Variants in PRKCA observed in about 807,000 individuals in gnomAD.
The protein encoded by PRKCA is protein kinase C alpha, also known as protein kinase C alpha type.
In PRKCA, 27 loss-of-function variants were observed where a neutral mutation model predicts 87.0. The ratio of observed to expected loss-of-function variants is 0.31; its 90% CI spans 0.23 to 0.43. The LOEUF (loss-of-function observed/expected upper bound fraction) is 0.43, where lower values mean the gene tolerates loss of function less well. Among genes scored for constraint, PRKCA ranks in the 20% least tolerant of loss-of-function variants. PRKCA has a pLI of 1.00. For synonymous variants in PRKCA, 329 were observed against 311.1 expected (o/e 1.06, Z -0.61); for missense variants, 518 against 852.3 (o/e 0.61, Z 4.88).
At chr17:66,610,462 G>A (rs1036786311) in intron 3 of PRKCA, among the ~76,000 whole-genome samples, 12 of 152,122 alleles carry the variant, frequency 7.9e-5, no homozygotes, top group Non-Finnish European at 2.9e-5. Context: ...CAAGCTTCTA[G>A]TCATGGCTTG....
At chr17:66,442,314 C>T (rs1314756948) in intron 2 of PRKCA, among the ~76,000 whole-genome samples, 1 of 151,840 alleles carries the variant, frequency 6.6e-6, no homozygotes, top group East Asian at 1.9e-4. Context: ...ACCCAGGCCT[C>T]CCAAAGTGCT....
chr17:66,805,130 T>C lies in PRKCA; in HGVS notation c.*1093T>C. On this transcript the variant is annotated 3_prime_UTR_variant, in exon 17 of 17. Coordinates refer to ENST00000413366, the MANE Select transcript of PRKCA (RefSeq NM_002737.3). Reference sequence around the variant, plus strand: ...CTAGCCCTGGATGTCCACTTAGGGATAAAAAGAATATGGTTTTGGTTCCCA... The same window carrying C: ...CTAGCCCTGGATGTCCACTTAGGGACAAAAAGAATATGGTTTTGGTTCCCA... 1.0e-6 allele frequency: 1 copy of C among 984,018 alleles called. No individual in the cohort carries two copies. The highest frequency in any genetic ancestry group is 1.7e-5 in the African/African-American group (1 of 57,314). The allele number at this position is 984,018 out of a possible 1,614,324, so 61.0% of individuals were successfully genotyped here.
chr17:66,663,249 G>A (rs9894317), intron 5 of PRKCA, among the ~76,000 whole-genome samples: 62,816 of 152,092 alleles, frequency 0.41, 13,203 homozygotes, highest in East Asian at 0.5. Context: ...AAAGAAGGTT[G>A]GTGTCACTGG....
At position 66,543,998 on chromosome 17, in the gene PRKCA, G is replaced by A. The variant is rs547445398; in HGVS notation, c.288+47715G>A. ...AGGCCAAGGCAGGCAGATCACTTGA[G>A]GTCAGGAGTTCGAGACCAGCCTGGC... On this transcript the variant is annotated intron_variant, in intron 3 of 16. Transcript: ENST00000413366. Among the ~76,000 whole-genome samples, 28 of 152,274 alleles carry A rather than the reference G, an allele frequency of 1.8e-4. 1 individual carries two copies. In the East Asian group the frequency reaches 5.2e-3, roughly 28 times the overall value.
intron 2 of PRKCA, among the ~76,000 whole-genome samples, chr17:66,437,731 T>TTTTTTTTTTAGGGGGGG: frequency 9.0e-5 from 1 of 11,164 alleles, no homozygotes; most frequent in Non-Finnish European, 1.6e-4. Flanking sequence ...TTTTTTTTTT[T>TTTTTTTTTTAGGGGGGG]GAGCGGGGGG....
chr17:66,469,589 G>T (rs1567845211), intron 2 of PRKCA, among the ~76,000 whole-genome samples: 3 of 152,088 alleles, frequency 2.0e-5, no homozygotes, highest in Admixed American at 6.5e-5. Context: ...TGTAGATTGG[G>T]ATTTACTAGC....
chr17:66,526,887 A>T (rs1337205355), intron 3 of PRKCA, among the ~76,000 whole-genome samples: 1 of 152,156 alleles, frequency 6.6e-6, no homozygotes, highest in Non-Finnish European at 1.5e-5. Flanking sequence ...CAGTTTGGGG[A>T]TACTTTGGTC....
At chr17:66,675,850 G>T (rs1484187674) in intron 5 of PRKCA, among the ~76,000 whole-genome samples, 2 of 152,112 alleles carry the variant, frequency 1.3e-5, no homozygotes, top group South Asian at 2.1e-4. Flanking sequence ...CCTCCGCGGG[G>T]TCCCACGCCA....
intron 2 of PRKCA, among the ~76,000 whole-genome samples, chr17:66,461,831 T>G: frequency 6.6e-6 from 1 of 151,902 alleles, no homozygotes. Context: ...AATTGACCCC[T>G]GAGATAATGG....
chr17:66,663,663 C>T (rs959755745), intron 5 of PRKCA, among the ~76,000 whole-genome samples: 5 of 152,086 alleles, frequency 3.3e-5, no homozygotes, highest in African/African-American at 1.2e-4. Context: ...ATGATATCAG[C>T]TTTGTTGGGG....
chr17:66,611,581 A>T (rs901922871), intron 3 of PRKCA, among the ~76,000 whole-genome samples: 3 of 152,250 alleles, frequency 2.0e-5, no homozygotes, highest in East Asian at 3.8e-4. Flanking sequence ...GTTATCCATC[A>T]TCAGTTGATG....
intron 2 of PRKCA, among the ~76,000 whole-genome samples, chr17:66,449,688 A>G (rs1914212670): frequency 6.6e-6 from 1 of 152,188 alleles, no homozygotes; most frequent in African/African-American, 2.4e-5. Flanking sequence ...CAGAGGGACT[A>G]CACAGACCAG....
At chr17:66,382,126 G>A (rs1909803791) in intron 2 of PRKCA, among the ~76,000 whole-genome samples, 1 of 152,062 alleles carries the variant, frequency 6.6e-6, no homozygotes, top group African/African-American at 2.4e-5. Flanking sequence ...GAGCTGCTTT[G>A]GTGGAGAAAA....
chr17:66,641,562 C>G, intron 4 of PRKCA, 96 bp downstream of exon 4: 1 of 731,988 alleles, frequency 1.4e-6, no homozygotes, highest in Non-Finnish European at 2.3e-6. Flanking sequence ...TCAACACCAA[C>G]TCTTCAGTAG....
At chr17:66,318,164 G>A (rs528106812) in intron 2 of PRKCA, among the ~76,000 whole-genome samples, 50 of 152,190 alleles carry the variant, frequency 3.3e-4, no homozygotes, top group Admixed American at 3.1e-3. Flanking sequence ...AGTGACTTTT[G>A]TTGCTTTAGT....
At chr17:66,349,165 G>A (rs1325369322) in intron 2 of PRKCA, among the ~76,000 whole-genome samples, 3 of 152,162 alleles carry the variant, frequency 2.0e-5, no homozygotes, top group African/African-American at 7.2e-5. Context: ...CAGCCTAATG[G>A]TGAGTGGACA....
intron 2 of PRKCA, among the ~76,000 whole-genome samples, chr17:66,351,869 C>T (rs867455774): frequency 2.0e-5 from 3 of 152,020 alleles, no homozygotes; most frequent in Admixed American, 1.3e-4. Context: ...TCTTTCACCC[C>T]GAGAACCCTG....
chr17:66,346,238 A>C (rs1342211358), intron 2 of PRKCA, among the ~76,000 whole-genome samples: 1 of 151,790 alleles, frequency 6.6e-6, no homozygotes, highest in Non-Finnish European at 1.5e-5. Context: ...CTGGGACTAC[A>C]GGCACGTGCC....
chr17:66,482,424 C>G (rs1240123205), intron 2 of PRKCA, among the ~76,000 whole-genome samples: 1 of 152,158 alleles, frequency 6.6e-6, no homozygotes, highest in Non-Finnish European at 1.5e-5. Flanking sequence ...AGCTTCAAAA[C>G]CCTTCCAGTG....
Sources: gnomAD v4.1 joint callset for allele counts (sites outside exome capture counted in the v4.1 genomes callset) on GRCh38, gnomAD v4.1.1 for gene constraint, MANE v1.5 for transcripts, NCBI Gene and HGNC (gene_info 2026-07-23, HGNC 2026-07-21) for gene names.